TTC39A: variants seen among roughly 807,000 people sequenced by gnomAD.
The protein encoded by TTC39A is tetratricopeptide repeat domain 39A, also known as tetratricopeptide repeat protein 39A.
Under a neutral mutation model 82.3 loss-of-function variants are expected in TTC39A, and 46 were observed. The ratio of observed to expected loss-of-function variants is 0.56; its 90% CI spans 0.44 to 0.71. TTC39A has a LOEUF of 0.71. Ranked by LOEUF, TTC39A falls within the 30% of genes least tolerant of loss-of-function variation. The pLI is 0.00. For missense variants in TTC39A, 543 were observed against 712.9 expected, an observed-to-expected ratio of 0.76 and a Z score of 2.71; for synonymous variants, 254 against 275.2, an observed-to-expected ratio of 0.92 and a Z score of 0.76.
intron 2 of TTC39A, among the ~76,000 whole-genome samples, chr1:51,320,524 G>A (rs1645470439): frequency 6.8e-6 from 1 of 146,756 alleles, no homozygotes; most frequent in African/African-American, 2.5e-5. Context: ...CCTGGGCTCA[G>A]ATAATCCTCC....
chr1:51,332,813 C>T (rs973697228), upstream of TTC39A, among the ~76,000 whole-genome samples: 2 of 152,214 alleles, frequency 1.3e-5, no homozygotes, highest in Non-Finnish European at 2.9e-5. Context: ...CAAATAATCA[C>T]AGATTGTCCA....
chr1:51,309,341 A>G lies in TTC39A; in HGVS notation c.424-16T>C. 6.2e-7 allele frequency: 1 copy of G among 1,613,018 alleles called. No homozygotes were observed. Reference sequence around the variant, plus strand: ...TGTTCTCGTCCTGCAGGAGGAAAAGATGCTGACGGCCTGGCCCAGGTGGGC... The same window carrying G: ...TGTTCTCGTCCTGCAGGAGGAAAAGGTGCTGACGGCCTGGCCCAGGTGGGC... On this transcript the variant is annotated splice_polypyrimidine_tract_variant and intron_variant, in intron 5 of 17. Transcript: ENST00000680483.
chr1:51,302,015 G>T, intron 11 of TTC39A: 1 of 681,428 alleles, frequency 1.5e-6, no homozygotes, highest in Non-Finnish European at 2.7e-6. Flanking sequence ...TAATGGAGGG[G>T]AGGTACCAGA....
In TTC39A at chr1:51,311,336, C is replaced by T; in HGVS notation, c.356-15G>A. On this transcript the variant is annotated splice_polypyrimidine_tract_variant and intron_variant, in intron 4 of 17. Transcript: ENST00000680483. Reference sequence around the variant, plus strand: ...GTGGATTTCCTCTGTGGGGAGAAAACCAAAGCCCCGTGGCCTCCTGGGACT... The same window carrying T: ...GTGGATTTCCTCTGTGGGGAGAAAATCAAAGCCCCGTGGCCTCCTGGGACT... 6.4e-7 allele frequency: 1 copy of T among 1,564,864 alleles called. No homozygotes were observed. Among genetic ancestry groups the T allele is most frequent in the Non-Finnish European group, 8.7e-7 (1 of 1,155,104 alleles).
intron 12 of TTC39A, chr1:51,299,584 G>A (rs1218712805): frequency 1.3e-5 from 2 of 152,266 alleles, no homozygotes; most frequent in African/African-American, 4.8e-5. Context: ...ATTTTTCACA[G>A]AAGTCCTCAT....
chr1:51,288,381 G>A lies in TTC39A; in HGVS notation c.1611-101C>T, dbSNP rs939614484. The A allele has an allele frequency of 8.3e-6, 13 of 1,562,992 alleles. No individual in the cohort carries two copies. Among genetic ancestry groups the A allele is most frequent in the Middle Eastern group, 1.7e-4 (1 of 5,772 alleles). Reference sequence around the variant, plus strand: ...GAGCCCCGCGAGCCAAGGAAGGATTGTAGAGAAATTAATGTGTCCAGAGAG... The same window carrying A: ...GAGCCCCGCGAGCCAAGGAAGGATTATAGAGAAATTAATGTGTCCAGAGAG... On this transcript the variant is annotated intron_variant, in intron 17 of 17. Coordinates refer to ENST00000680483, the MANE Select transcript of TTC39A (RefSeq NM_001297663.2). This position sits in a 1 kb window ranked among gnomAD's most constrained non-coding sequence, Gnocchi z 4.8.
intron 5 of TTC39A, 147 bp downstream of exon 5, chr1:51,311,107 G>A (rs1443376986): frequency 2.6e-5 from 19 of 744,208 alleles, no homozygotes; most frequent in Admixed American, 5.9e-5. Flanking sequence ...GGGCAGGAGT[G>A]TGAAGGATGG....
Position 51,321,867 on chromosome 1 carries a change from C to A in TTC39A, c.42-42G>T, listed in dbSNP as rs761657583. The A allele has an allele frequency of 3.2e-5, 50 of 1,561,348 alleles. No homozygotes were observed. The highest frequency in any genetic ancestry group is 4.2e-5 in the Non-Finnish European group (48 of 1,143,052). On this transcript the variant is annotated intron_variant, in intron 1 of 17. Coordinates refer to ENST00000680483, the MANE Select transcript of TTC39A (RefSeq NM_001297663.2). This position sits in a 1 kb window ranked among gnomAD's most constrained non-coding sequence, Gnocchi z 4.6. ...GGGGCATGACACAGGGGCCCTCCAA[C>A]CCTCCAGCCTCTCCTGGCTGGAACA...
chr1:51,320,472 T>C (rs1323308852), intron 2 of TTC39A, among the ~76,000 whole-genome samples: 1 of 142,070 alleles, frequency 7.0e-6, no homozygotes. Flanking sequence ...CATGCTGGAG[T>C]GCAGTGGTGC....
chr1:51,343,601 G>A (rs1298829925), intron 1 of TTC39A, among the ~76,000 whole-genome samples: 1 of 152,124 alleles, frequency 6.6e-6, no homozygotes, highest in Non-Finnish European at 1.5e-5. Context: ...ACTTGTTTAT[G>A]TCTCTCTTAC....
Position 51,290,589 on chromosome 1 carries a change from C to T in TTC39A, c.1303G>A (p.Gly435Arg), listed in dbSNP as rs1484889005. ...CCATCCGTGAGTTTCGGCTGCTTCC[C>T]AATCACGGCGTAGCCGTTCCAGATG... ...MYIWNGYAVI[G>R]KQPKLTDGIL... The change falls in exon 15 of 18, where the codon GGG (glycine) becomes AGG (arginine). Residue 435 changes from glycine to arginine, a missense_variant. Physicochemically the swap from Gly to Arg is moderately radical, Grantham distance 125. Transcript: ENST00000680483. 19 of 1,613,778 alleles carry T rather than the reference C, an allele frequency of 1.2e-5. No individual in the cohort carries two copies. Among genetic ancestry groups the T allele is most frequent in the Non-Finnish European group, 1.4e-5 (17 of 1,179,866 alleles).
At chr1:51,302,238 T>TGGGGGGGGGGGGGGGGGCG in intron 11 of TTC39A, 119 bp downstream of exon 11, 1 of 723,732 alleles carries the variant, frequency 1.4e-6, no homozygotes, top group Non-Finnish European at 2.5e-6. Flanking sequence ...GGTTCTCTCT[T>TGGGGGGGGGGGGGGGGGCG]GGCCCCCCCC....
intron 1 of TTC39A, among the ~76,000 whole-genome samples, chr1:51,340,143 C>T (rs1043614857): frequency 1.4e-4 from 21 of 152,202 alleles, no homozygotes; most frequent in African/African-American, 5.1e-4. Flanking sequence ...GTGAGAAATA[C>T]ATTTCTGTTG....
At chr1:51,319,358 G>A (rs1452145309) in intron 2 of TTC39A, among the ~76,000 whole-genome samples, 1 of 152,170 alleles carries the variant, frequency 6.6e-6, no homozygotes, top group African/African-American at 2.4e-5. Context: ...AAGAGGCTCA[G>A]AAGAGGACTG....
chr1:51,331,561 A>G (rs1217643206), upstream of TTC39A: 1 of 985,290 alleles, frequency 1.0e-6, no homozygotes, highest in African/African-American at 1.7e-5. Flanking sequence ...TGCAGAAGCA[A>G]CCACGGTGGG....
intron 1 of TTC39A, among the ~76,000 whole-genome samples, chr1:51,328,478 A>C (rs1024990338): frequency 6.6e-6 from 1 of 152,244 alleles, no homozygotes; most frequent in Admixed American, 6.5e-5. Context: ...CTGCAGCATG[A>C]CACATGCTAT....
intron 8 of TTC39A, among the ~76,000 whole-genome samples, chr1:51,304,543 C>T (rs1221830295): frequency 6.6e-6 from 1 of 152,206 alleles, no homozygotes; most frequent in Non-Finnish European, 1.5e-5. Context: ...TAGGCCTCCT[C>T]CACCAGAAAG....
intron 1 of TTC39A, among the ~76,000 whole-genome samples, chr1:51,344,769 G>T (rs973127262): frequency 2.0e-5 from 3 of 152,236 alleles, no homozygotes; most frequent in African/African-American, 7.2e-5. Context: ...AGGTGGGACC[G>T]CGTCTACCCT....
upstream of TTC39A, among the ~76,000 whole-genome samples, chr1:51,333,220 CAAAAAAA>C (rs748559262): frequency 1.2e-5 from 1 of 80,290 alleles, no homozygotes; most frequent in Non-Finnish European, 2.5e-5. Flanking sequence ...TCGCCCCCAC[CAAAAAAA>C]AAAAAAAAAA....
Sources: allele counts gnomAD v4.1 joint callset (sites outside exome capture counted in the v4.1 genomes callset), GRCh38; gene constraint gnomAD v4.1.1; non-coding constraint Gnocchi (gnomAD v3.1); transcripts MANE v1.5; gene names NCBI Gene and HGNC (gene_info 2026-07-23, HGNC 2026-07-21).